Variants in AHI1 observed in about 807,000 individuals in gnomAD.
AHI1 encodes the protein jouberin.
A neutral mutation model predicts 149.3 loss-of-function variants in AHI1; 123 were observed. The observed-to-expected ratio is 0.82, with a 90% CI of 0.71 to 0.96. The LOEUF is 0.96. AHI1 is among the 40% of genes least tolerant of loss of function. The probability of loss-of-function intolerance (pLI) is 0.00; values close to 1 mark genes in which losing one functional copy is unlikely to be tolerated. For synonymous variants in AHI1, 475 were observed against 459.8 expected (o/e 1.03, Z -0.42); for missense variants, 1,439 against 1,422.7 (o/e 1.01, Z -0.18).
chr6:135,326,712 C>T (rs1787755004), intron 24 of AHI1, among the ~76,000 whole-genome samples: 1 of 152,164 alleles, frequency 6.6e-6, no homozygotes, highest in Non-Finnish European at 1.5e-5. Context: ...AGGCACCCGC[C>T]ACCATGCTCA....
chr6:135,357,797 G>A lies in AHI1; in HGVS notation c.3165+335C>T, dbSNP rs145808024. ...AAGAAGGATAAAAGATAAGACTTCA[G>A]TTCTATAATAATAAAGCAAAGTAAC... On this transcript the variant is annotated intron_variant, in intron 24 of 28. Coordinates refer to ENST00000265602, the MANE Select transcript of AHI1 (RefSeq NM_001134831.2). Among the ~76,000 whole-genome samples, 289 of 152,264 alleles carry A rather than the reference G, an allele frequency of 1.9e-3. 1 individual carries two copies. The highest frequency in any genetic ancestry group is 6.6e-3 in the African/African-American group (276 of 41,566).
At chr6:135,364,685 C>G (rs1342630403) in intron 23 of AHI1, among the ~76,000 whole-genome samples, 1 of 152,120 alleles carries the variant, frequency 6.6e-6, no homozygotes, top group Non-Finnish European at 1.5e-5. Context: ...CGGTTAGGAG[C>G]TGGAGACCAG....
At chr6:135,455,630 C>G in intron 10 of AHI1, 104 bp downstream of exon 10, 1 of 907,626 alleles carries the variant, frequency 1.1e-6, no homozygotes, top group Non-Finnish European at 1.5e-6. Context: ...AATTCTCACA[C>G]AACTTTTTTT....
At chr6:135,467,659 T>C in intron 5 of AHI1, 25 bp from the exon 6 acceptor site, 1 of 1,548,652 alleles carries the variant, frequency 6.5e-7, no homozygotes. Context: ...ATAATAAAGT[T>C]TCAGCTAAGC....
intron 23 of AHI1, among the ~76,000 whole-genome samples, chr6:135,377,575 G>A (rs1776132262): frequency 6.6e-6 from 1 of 151,792 alleles, no homozygotes; most frequent in Admixed American, 6.6e-5. Context: ...TGATCTCCTG[G>A]GCTCAAGTGA....
At chr6:135,417,370 CGTAA>C (rs1782531512) in intron 20 of AHI1, among the ~76,000 whole-genome samples, 2 of 152,042 alleles carry the variant, frequency 1.3e-5, no homozygotes, top group Non-Finnish European at 2.9e-5. Context: ...CATACACCTA[CGTAA>C]GTAACAGTTA....
At chr6:135,436,894 G>A (rs1479111537) in intron 15 of AHI1, among the ~76,000 whole-genome samples, 4 of 152,098 alleles carry the variant, frequency 2.6e-5, no homozygotes, top group South Asian at 2.1e-4. Flanking sequence ...AAGCCACTGC[G>A]CCCGGCCCAT....
At chr6:135,429,844 T>G in intron 18 of AHI1, 38 bp downstream of exon 18, 1 of 1,192,570 alleles carries the variant, frequency 8.4e-7, no homozygotes. Context: ...TTACTTACTC[T>G]GTGAGTACTT....
chr6:135,450,914 T>C (rs991690854), intron 11 of AHI1, among the ~76,000 whole-genome samples: 1 of 152,218 alleles, frequency 6.6e-6, no homozygotes, highest in Non-Finnish European at 1.5e-5. Context: ...TTTGAATTAC[T>C]GTAATAACTT....
intron 3 of AHI1, among the ~76,000 whole-genome samples, chr6:135,493,245 C>T (rs571626927): frequency 1.7e-4 from 26 of 152,190 alleles, no homozygotes; most frequent in African/African-American, 5.3e-4. Context: ...ATGATCTGCC[C>T]GACTCAGCCT....
rs924505500 is a variant in AHI1, at chr6:135,394,567, T to A, written c.3109+209A>T. The A allele has an allele frequency of 7.7e-5, 45 of 581,726 alleles. No homozygotes were observed. In the African/African-American group the frequency reaches 8.3e-4, roughly 11 times the overall value. The allele number at this position is 581,726 out of a possible 1,614,324, so 36.0% of individuals were successfully genotyped here. On this transcript the variant is annotated intron_variant, in intron 23 of 28. Transcript: ENST00000265602. ...TAAATTATTATCTGTTAATAGCACATAGGTTCAGTGTATCTACTGTTACCA... is the reference window on the plus strand; with the variant it reads ...TAAATTATTATCTGTTAATAGCACAAAGGTTCAGTGTATCTACTGTTACCA...
At chr6:135,461,856 A>G (rs1226681047) in intron 8 of AHI1, among the ~76,000 whole-genome samples, 1 of 152,048 alleles carries the variant, frequency 6.6e-6, no homozygotes, top group Non-Finnish European at 1.5e-5. Flanking sequence ...TTATCATTCT[A>G]TTCATATTAA....
intron 23 of AHI1, among the ~76,000 whole-genome samples, chr6:135,364,955 G>A (rs554360571): frequency 7.2e-5 from 11 of 152,104 alleles, no homozygotes; most frequent in African/African-American, 2.7e-4. Context: ...GAGAGGGAGT[G>A]GGAGCGGGAG....
chr6:135,467,541 T>G lies in AHI1; in HGVS notation c.189+40A>C, dbSNP rs375662119. The G allele has an allele frequency of 2.0e-6, 3 of 1,534,594 alleles. No homozygotes were observed. In the African/African-American group the frequency reaches 4.1e-5, roughly 21 times the overall value. On this transcript the variant is annotated intron_variant, in intron 6 of 28. Transcript: ENST00000265602. ...TTCCTCAATTTGTTTTTAGTGACTCTCATGCTCTTCTTCAGGCTGTTAGTG... is the reference window on the plus strand; with the variant it reads ...TTCCTCAATTTGTTTTTAGTGACTCGCATGCTCTTCTTCAGGCTGTTAGTG...
chr6:135,358,653 C>T (rs747524419), intron 23 of AHI1, among the ~76,000 whole-genome samples: 7 of 152,346 alleles, frequency 4.6e-5, no homozygotes, highest in South Asian at 4.1e-4. Context: ...CCTACTATGA[C>T]ATACTCTATT....
intron 28 of AHI1, among the ~76,000 whole-genome samples, chr6:135,288,018 C>A (rs9483823): frequency 3.4e-4 from 51 of 151,916 alleles, no homozygotes; most frequent in Middle Eastern, 3.4e-3. Flanking sequence ...TCACTTGAAT[C>A]CAGGAGGTGG....
intron 6 of AHI1, 96 bp downstream of exon 6, chr6:135,467,485 A>G: frequency 1.5e-5 from 15 of 1,005,248 alleles, no homozygotes; most frequent in Non-Finnish European, 2.2e-5. Flanking sequence ...GTTGAAAAAC[A>G]GAATGGACAA....
intron 23 of AHI1, among the ~76,000 whole-genome samples, chr6:135,386,777 CCCA>C (rs1777659010): frequency 6.6e-6 from 1 of 151,558 alleles, no homozygotes; most frequent in Admixed American, 6.6e-5. Context: ...ATTACAGGCG[CCCA>C]CCACCATGCC....
intron 23 of AHI1, among the ~76,000 whole-genome samples, chr6:135,374,096 ATATATATATATATTTT>A (rs1273076765): frequency 1.4e-4 from 3 of 20,800 alleles, no homozygotes; most frequent in African/African-American, 1.9e-4. Context: ...ATATATATAT[ATATATATATATATTTT>A]TTTTTTTTTT....
Sources: allele counts gnomAD v4.1 joint callset (sites outside exome capture counted in the v4.1 genomes callset), GRCh38; gene constraint gnomAD v4.1.1; transcripts MANE v1.5; gene names NCBI Gene and HGNC (gene_info 2026-07-23, HGNC 2026-07-21).